Variants in TTC28 observed in about 807,000 individuals in gnomAD.
The protein encoded by TTC28 is tetratricopeptide repeat protein 28.
TTC28 carries 61 observed loss-of-function variants against 198.0 expected under a neutral mutation model. That is an observed-to-expected ratio of 0.31 (90% CI 0.25 to 0.38). The LOEUF (loss-of-function observed/expected upper bound fraction) is 0.38, where lower values mean the gene tolerates loss of function less well. Ranked by LOEUF, TTC28 falls within the 10% of genes least tolerant of loss-of-function variation. The pLI is 1.00. For missense variants in TTC28, 2,678 were observed against 3,164.0 expected, an observed-to-expected ratio of 0.85 and a Z score of 3.69; for synonymous variants, 1,171 against 1,297.8, an observed-to-expected ratio of 0.90 and a Z score of 2.10.
At chr22:28,630,312 G>C (rs2051152623) in intron 1 of TTC28, among the ~76,000 whole-genome samples, 1 of 151,786 alleles carries the variant, frequency 6.6e-6, no homozygotes, top group African/African-American at 2.4e-5. Context: ...TTTCAGATGA[G>C]GTCTCACTCT....
chr22:28,027,898 A>G (rs1345215889), intron 13 of TTC28, among the ~76,000 whole-genome samples: 1 of 152,206 alleles, frequency 6.6e-6, no homozygotes, highest in Non-Finnish European at 1.5e-5. Flanking sequence ...GCTCAGCTAT[A>G]AGACATGAGG....
intron 2 of TTC28, among the ~76,000 whole-genome samples, chr22:28,464,253 A>C (rs990968765): frequency 2.6e-5 from 4 of 152,216 alleles, no homozygotes; most frequent in African/African-American, 9.6e-5. Flanking sequence ...AAGGGAAAGA[A>C]GGACTTTGAA....
chr22:28,469,703 T>C (rs1453730875), intron 2 of TTC28, among the ~76,000 whole-genome samples: 2 of 152,192 alleles, frequency 1.3e-5, no homozygotes, highest in Non-Finnish European at 2.9e-5. Flanking sequence ...AGGAAACACA[T>C]TCTCTCCTAG....
chr22:28,141,301 T>A (rs1230794614), intron 6 of TTC28, among the ~76,000 whole-genome samples: 3 of 152,196 alleles, frequency 2.0e-5, no homozygotes, highest in African/African-American at 7.2e-5. Context: ...TCATAGTACT[T>A]AGCTGTATGT....
At chr22:28,026,423 C>A (rs150273364) in intron 13 of TTC28, among the ~76,000 whole-genome samples, 4 of 152,174 alleles carry the variant, frequency 2.6e-5, no homozygotes, top group African/African-American at 4.8e-5. Flanking sequence ...AATGTGGGCA[C>A]GCTGAGCACT....
chr22:28,147,119 A>G (rs1050555871), intron 6 of TTC28, among the ~76,000 whole-genome samples: 2 of 152,256 alleles, frequency 1.3e-5, no homozygotes, highest in African/African-American at 4.8e-5. Flanking sequence ...CAAAAGTTGC[A>G]TTCCAGCTTT....
At chr22:28,430,036 A>AT (rs919396993) in intron 2 of TTC28, among the ~76,000 whole-genome samples, 40,502 of 109,952 alleles carry the variant, frequency 0.37, 8,549 homozygotes, top group Middle Eastern at 0.55. Context: ...CTGGAATATG[A>AT]TTTTTTTTTT....
At chr22:28,502,774 T>G (rs1326140887) in intron 2 of TTC28, among the ~76,000 whole-genome samples, 4 of 152,262 alleles carry the variant, frequency 2.6e-5, no homozygotes, top group African/African-American at 7.2e-5. Context: ...ATTCTCCAAT[T>G]TTCACAAAAG....
chr22:28,423,555 A>G (rs2047297370), intron 2 of TTC28, among the ~76,000 whole-genome samples: 1 of 152,242 alleles, frequency 6.6e-6, no homozygotes, highest in Non-Finnish European at 1.5e-5. Context: ...GGACTAAAGT[A>G]ATTTATAATG....
intron 17 of TTC28, among the ~76,000 whole-genome samples, chr22:27,994,844 A>G (rs1035021153): frequency 6.6e-6 from 1 of 152,220 alleles, no homozygotes; most frequent in Non-Finnish European, 1.5e-5. Context: ...AGCAGTGTGT[A>G]GTGGCAGCAA....
At chr22:28,327,837 C>T (rs1470586164) in intron 2 of TTC28, among the ~76,000 whole-genome samples, 5 of 152,062 alleles carry the variant, frequency 3.3e-5, no homozygotes, top group South Asian at 2.1e-4. Context: ...TAACAGTAAC[C>T]GTATCAGCTA....
At chr22:28,630,526 G>A (rs573904172) in intron 1 of TTC28, among the ~76,000 whole-genome samples, 1 of 152,110 alleles carries the variant, frequency 6.6e-6, no homozygotes, top group East Asian at 1.9e-4. Flanking sequence ...ATGTTGCCCA[G>A]GTTGATTTTG....
At chr22:28,054,338 C>T (rs1466404570) in intron 12 of TTC28, among the ~76,000 whole-genome samples, 1 of 152,190 alleles carries the variant, frequency 6.6e-6, no homozygotes, top group Non-Finnish European at 1.5e-5. Flanking sequence ...CCAATGGTCC[C>T]TCCCAGGGTT....
chr22:28,036,008 A>G (rs1055234328), intron 12 of TTC28, among the ~76,000 whole-genome samples: 10 of 152,198 alleles, frequency 6.6e-5, no homozygotes, highest in Non-Finnish European at 1.3e-4. Context: ...AGAGACCTAC[A>G]AAGAGACTTA....
chr22:28,203,116 C>A (rs916480625), intron 5 of TTC28, among the ~76,000 whole-genome samples: 2 of 151,874 alleles, frequency 1.3e-5, no homozygotes, highest in African/African-American at 4.8e-5. Flanking sequence ...TGCTTATTTG[C>A]GCATATTAAA....
intron 18 of TTC28, 160 bp downstream of exon 18, chr22:27,993,127 T>C: frequency 3.0e-6 from 2 of 658,190 alleles, no homozygotes; most frequent in East Asian, 2.8e-5. Context: ...CCTCCAGGTG[T>C]GGAGATGCTT....
chr22:28,077,607 A>C (rs1941210826), intron 12 of TTC28, among the ~76,000 whole-genome samples: 2 of 152,342 alleles, frequency 1.3e-5, no homozygotes, highest in South Asian at 4.1e-4. Context: ...GCTTGTTATC[A>C]GTGTAGAATC....
intron 5 of TTC28, among the ~76,000 whole-genome samples, chr22:28,278,876 C>T (rs531746631): frequency 6.6e-6 from 1 of 152,204 alleles, no homozygotes; most frequent in South Asian, 2.1e-4. Flanking sequence ...GTTGTGATAT[C>T]GTTCTAGGAT....
chr22:28,526,603 A>G (rs2049008964), intron 2 of TTC28, among the ~76,000 whole-genome samples: 1 of 152,204 alleles, frequency 6.6e-6, no homozygotes, highest in Admixed American at 6.5e-5. Context: ...GAGGAGTTAG[A>G]GCATGAAGGG....
Sources: gnomAD v4.1 joint callset for allele counts (sites outside exome capture counted in the v4.1 genomes callset) on GRCh38, gnomAD v4.1.1 for gene constraint, MANE v1.5 for transcripts, NCBI Gene and HGNC (gene_info 2026-07-23, HGNC 2026-07-21) for gene names.